Variants in MUC5B observed in about 807,000 individuals in gnomAD.
MUC5B encodes the protein mucin 5B, oligomeric mucus/gel-forming, also known as mucin-5B.
MUC5B carries 116 observed loss-of-function variants against 376.9 expected under a neutral mutation model. The ratio of observed to expected loss-of-function variants is 0.31; its 90% CI spans 0.26 to 0.36. MUC5B has a LOEUF of 0.36. Among genes scored for constraint, MUC5B ranks in the 10% least tolerant of loss-of-function variants. MUC5B has a pLI of 1.00. For missense variants in MUC5B, 7,165 were observed against 7,769.9 expected (o/e 0.92, Z 2.93); for synonymous variants, 3,517 against 3,390.9 (o/e 1.04, Z -1.29).
At chr11:1,237,526 C>T (rs867477500) in intron 25 of MUC5B, among the ~76,000 whole-genome samples, 17 of 152,220 alleles carry the variant, frequency 1.1e-4, no homozygotes, top group Admixed American at 3.3e-4. Context: ...CCTGGCTCCC[C>T]GCTCAGCCAG....
In MUC5B at chr11:1,239,046, G is replaced by C. The variant is rs745592885; in HGVS notation, c.3454+19G>C. On this transcript the variant is annotated intron_variant, in intron 26 of 48. Coordinates refer to ENST00000529681, the MANE Select transcript of MUC5B (RefSeq NM_002458.3). ...ACCTGCCGTGAGTCGGGCTCTGTCC[G>C]TGGTGCTGAAGGGTGGAGCTGCTGG... is the stretch of plus-strand genomic sequence containing the variant. 6.4e-7 allele frequency: 1 copy of C among 1,569,000 alleles called. No homozygotes were observed. Among genetic ancestry groups the C allele is most frequent in the Non-Finnish European group, 8.6e-7 (1 of 1,158,288 alleles).
chr11:1,241,593 C>T lies in MUC5B; in HGVS notation c.4713C>T (p.His1571=), dbSNP rs775643083. Residue 1571 remains histidine, a synonymous_variant, in exon 31 of 49, where the codon CAC becomes CAT. Coordinates refer to ENST00000529681, the MANE Select transcript of MUC5B (RefSeq NM_002458.3). ...GGCAGAAGGTGCACTGTGACGTCCA[C>T]TTCGGCCTGGTGTGCAGGAACTGGG... is the stretch of plus-strand genomic sequence containing the variant. ...QVGQKVHCDV[H]FGLVCRNWEQ... The T allele has an allele frequency of 2.5e-6, 4 of 1,612,182 alleles. No individual in the cohort carries two copies. The highest frequency in any genetic ancestry group is 3.3e-5 in the Admixed American group (2 of 59,860).
Position 1,258,011 on chromosome 11 carries a change from GA to G in MUC5B, c.16451-84del. The G allele has an allele frequency of 5.9e-6, 8 of 1,350,336 alleles. No individual in the cohort carries two copies. The highest frequency in any genetic ancestry group is 8.2e-6 in the Non-Finnish European group (8 of 975,862). 83.6% of individuals were successfully genotyped at this position (1,350,336 alleles called of 1,614,324 possible). A position where few individuals can be genotyped will look rare whatever the true frequency, so the allele number is the denominator to read the frequency against. The stretch of plus-strand genomic sequence containing the variant: ...GCTGTGAAGCGGTCAGGTCCTCGGG[GA>G]AAAGCACGCCTGCGACTTACTCTGG... On this transcript the variant is annotated intron_variant, in intron 41 of 48. Transcript: ENST00000529681. This position sits in a 1 kb window ranked among gnomAD's most constrained non-coding sequence, Gnocchi z 5.5.
Position 1,244,804 on chromosome 11 carries a change from A to G in MUC5B, c.7924A>G (p.Thr2642Ala). 1.2e-6 allele frequency: 2 copies of G among 1,612,670 alleles called. No homozygotes were observed. Among genetic ancestry groups the G allele is most frequent in the Admixed American group, 3.3e-5 (2 of 59,904 alleles). ...GATCAGCACAACCACCACACCCACA[A>G]CCAGAGGTTCCACGGTGACCCCCTC... ...VWISTTTTPT[T>A]RGSTVTPSSI... Residue 2642 changes from threonine (T) to alanine (A), a missense_variant, in exon 31 of 49, where the codon ACC becomes GCC. Thr to Ala is a moderately conservative substitution (Grantham distance 58). Around this residue, in one of 31 missense-constraint regions of MUC5B, gnomAD observed 141 missense variants for 111.2 expected, o/e 1.27. Transcript: ENST00000529681.
chr11:1,245,059 G>A lies in MUC5B; in HGVS notation c.8179G>A (p.Ala2727Thr). The A allele has an allele frequency of 1.9e-6, 3 of 1,542,272 alleles. No homozygotes were observed. Among genetic ancestry groups the A allele is most frequent in the Non-Finnish European group, 2.6e-6 (3 of 1,143,112 alleles). ...PVLTTTATTP[A>T]ATSSTVTPSS... is the part of the protein sequence containing the mutation. ...GCTGACCACCACCGCCACCACACCT[G>A]CAGCCACCAGCAGCACAGTGACTCC... The change falls in exon 31 of 49, where the codon GCA (alanine) becomes ACA (threonine). Residue 2727 changes from alanine (A) to threonine (T), a missense_variant. Physicochemically the swap from Ala to Thr is moderately conservative, Grantham distance 58. This residue lies in a region of MUC5B where 70 missense variants were observed against 169.1 expected (regional missense o/e 0.41). Coordinates refer to ENST00000529681, the MANE Select transcript of MUC5B (RefSeq NM_002458.3).
rs1454738026 is a variant in MUC5B, at chr11:1,240,026, G to A, written c.3729-19G>A. 23 of 1,587,730 alleles carry A rather than the reference G, an allele frequency of 1.4e-5. No homozygotes were observed. The highest frequency in any genetic ancestry group is 1.1e-4 in the East Asian group (5 of 44,640). On this transcript the variant is annotated intron_variant, in intron 28 of 48. Transcript: ENST00000529681. ...AGGCTGCCCCCCAGGCCCTCAGCTCGCCTCTCCCCCACCCCTAGTAACTGC... is the reference window on the plus strand; with the variant it reads ...AGGCTGCCCCCCAGGCCCTCAGCTCACCTCTCCCCCACCCCTAGTAACTGC...
chr11:1,258,304 G>T lies in MUC5B; in HGVS notation c.16556-26G>T. On this transcript the variant is annotated intron_variant, in intron 42 of 48. Transcript: ENST00000529681. The surrounding 1 kb of genome is among the most constrained non-coding windows in gnomAD (Gnocchi z 5.5). Reference sequence around the variant, plus strand: ...GAGCACATGCTCCCCACCACTTGTCGAGGGCTTAGCTCCCTTTCCTTCCAG... The same window carrying T: ...GAGCACATGCTCCCCACCACTTGTCTAGGGCTTAGCTCCCTTTCCTTCCAG... 1 of 1,610,820 alleles carries T rather than the reference G, an allele frequency of 6.2e-7. No individual in the cohort carries two copies. Among genetic ancestry groups the T allele is most frequent in the South Asian group, 1.1e-5 (1 of 90,688 alleles).
intron 34 of MUC5B, 22 bp downstream of exon 34, chr11:1,254,373 C>T: frequency 6.3e-7 from 1 of 1,597,246 alleles, no homozygotes; most frequent in Non-Finnish European, 8.5e-7. Flanking sequence ...CTGCGGGTGG[C>T]ACAGTGTTGG....
In MUC5B at chr11:1,230,568, G is replaced by T; in HGVS notation, c.1438G>T (p.Ala480Ser). The change falls in exon 12 of 49, where the codon GCG becomes TCG. Residue 480 changes from alanine (A) to serine (S), a missense_variant. Ala to Ser is a moderately conservative substitution (Grantham distance 99). Coordinates refer to ENST00000529681, the MANE Select transcript of MUC5B (RefSeq NM_002458.3). ...GLTDNENCLK[A>S]VTLSLDGGDT... Reference sequence around the variant, plus strand: ...GACGGACAACGAGAACTGCCTGAAAGCGGTGACGCTCAGCCTGGACGGCGG... The same window carrying T: ...GACGGACAACGAGAACTGCCTGAAATCGGTGACGCTCAGCCTGGACGGCGG... The T allele has an allele frequency of 6.2e-7, 1 of 1,611,422 alleles. No homozygotes were observed. Among genetic ancestry groups the T allele is most frequent in the Non-Finnish European group, 8.5e-7 (1 of 1,179,128 alleles).
chr11:1,250,385 G>C lies in MUC5B; in HGVS notation c.13505G>C (p.Gly4502Ala). 1 of 1,613,038 alleles carries C rather than the reference G, an allele frequency of 6.2e-7. No individual in the cohort carries two copies. The highest frequency in any genetic ancestry group is 2.2e-5 in the East Asian group (1 of 44,824). The change falls in exon 31 of 49, where the codon GGG becomes GCG. Residue 4502 changes from glycine (G) to alanine (A), a missense_variant. This residue lies in a region of MUC5B where 431 missense variants were observed against 390.4 expected (regional missense o/e 1.10). Coordinates refer to ENST00000529681, the MANE Select transcript of MUC5B (RefSeq NM_002458.3). ...SSKATPSSSP[G>A]TATALPALRS... ...AAAGCCACTCCCTCCTCCAGTCCAG[G>C]GACTGCAACTGCCCTTCCAGCACTG...
chr11:1,240,985 T>G lies in MUC5B; in HGVS notation c.4105T>G (p.Tyr1369Asp). 6.2e-7 allele frequency: 1 copy of G among 1,613,364 alleles called. No individual in the cohort carries two copies. The highest frequency in any genetic ancestry group is 1.1e-5 in the South Asian group (1 of 91,086). The part of the protein sequence containing the change: ...ETFENLRQRG[Y>D]QVCPVLADIE... The stretch of plus-strand genomic sequence containing the variant: ...GTTTGAAAACCTGAGGCAGAGAGGG[T>G]ACCAGGTATGCCCTGTGCTGGCTGA... Residue 1369 changes from tyrosine to aspartate, a missense_variant, in exon 31 of 49, where the codon TAC (tyrosine) becomes GAC (aspartate). This residue lies in a region of MUC5B where 517 missense variants were observed against 545.3 expected (regional missense o/e 0.95). Transcript: ENST00000529681.
chr11:1,237,412 C>T (rs962164860), intron 25 of MUC5B, among the ~76,000 whole-genome samples: 1 of 152,242 alleles, frequency 6.6e-6, no homozygotes, highest in African/African-American at 2.4e-5. Flanking sequence ...GCCTCAGTCA[C>T]ACCCAGAGGC....
chr11:1,226,381 C>G, intron 3 of MUC5B, 105 bp downstream of exon 3: 1 of 1,415,576 alleles, frequency 7.1e-7, no homozygotes, highest in Non-Finnish European at 9.7e-7. Context: ...GGCCGTTGGG[C>G]CAGACCCAGA....
rs770654111 is a variant in MUC5B, at chr11:1,244,635, C to A, written c.7755C>A (p.Thr2585=). ...HTSTVLTTTA[T]TTGATGSVAT... ...CCACAGTGCTTACCACCACGGCCAC[C>A]ACAACCGGGGCCACCGGCTCTGTGG... The change falls in exon 31 of 49, where the codon ACC becomes ACA. Residue 2585 remains threonine, a synonymous_variant. Transcript: ENST00000529681. 1 of 1,613,404 alleles carries A rather than the reference C, an allele frequency of 6.2e-7. No homozygotes were observed. The highest frequency in any genetic ancestry group is 1.7e-5 in the Admixed American group (1 of 59,976).
In MUC5B at chr11:1,243,717, C is replaced by T. The variant is rs769796920; in HGVS notation, c.6837C>T (p.Thr2279=). 1.2e-6 allele frequency: 2 copies of T among 1,611,772 alleles called. No individual in the cohort carries two copies. The highest frequency in any genetic ancestry group is 1.7e-6 in the Non-Finnish European group (2 of 1,179,672). ...GTTTPGHTTA[T]SRTTATATPS... The stretch of plus-strand genomic sequence containing the variant: ...CCACCCCGGGCCACACCACGGCCAC[C>T]TCCAGGACCACAGCCACGGCCACAC... The change falls in exon 31 of 49, where the codon ACC becomes ACT. Residue 2279 remains threonine, a synonymous_variant. Coordinates refer to ENST00000529681, the MANE Select transcript of MUC5B (RefSeq NM_002458.3).
chr11:1,242,981 G>A lies in MUC5B; in HGVS notation c.6101G>A (p.Gly2034Asp). 4 of 1,612,862 alleles carry A rather than the reference G, an allele frequency of 2.5e-6. No individual in the cohort carries two copies. The highest frequency in any genetic ancestry group is 3.4e-6 in the Non-Finnish European group (4 of 1,179,350). Residue 2034 changes from glycine to aspartate, a missense_variant, in exon 31 of 49, where the codon GGC (glycine) becomes GAC (aspartate). By Grantham distance (94) the Gly-to-Asp change is moderately conservative. Around this residue, in one of 31 missense-constraint regions of MUC5B, gnomAD observed 897 missense variants for 779.6 expected, o/e 1.15. Coordinates refer to ENST00000529681, the MANE Select transcript of MUC5B (RefSeq NM_002458.3). ...TATATTTGAT[G>D]SVATPSSTPG... Reference sequence around the variant, plus strand: ...ACGGCCACCACAACTGGGGCCACCGGCTCTGTGGCCACCCCCTCCTCCACC... The same window carrying A: ...ACGGCCACCACAACTGGGGCCACCGACTCTGTGGCCACCCCCTCCTCCACC...
rs1471624303 is a variant in MUC5B, at chr11:1,228,626, C to T, written c.837C>T (p.Asp279=). ...PAFAECHALV[D]STAYLAACAQ... is the part of the protein sequence containing the mutation. ...TTGCGGAGTGCCACGCACTGGTGGA[C>T]AGCACTGCGTACCTGGCCGCCTGCG... Residue 279 remains aspartate (D), a synonymous_variant, in exon 8 of 49, where the codon GAC becomes GAT. Transcript: ENST00000529681. 6.5e-7 allele frequency: 1 copy of T among 1,534,028 alleles called. No homozygotes were observed. The highest frequency in any genetic ancestry group is 8.7e-7 in the Non-Finnish European group (1 of 1,146,188).
rs892749451 is a variant in MUC5B, at chr11:1,232,896, G to T, written c.2066-117G>T. 9 of 1,460,042 alleles carry T rather than the reference G, an allele frequency of 6.2e-6. No individual in the cohort carries two copies. In the East Asian group the frequency reaches 1.5e-4, roughly 24 times the overall value. 90.4% of individuals were successfully genotyped at this position (1,460,042 alleles called of 1,614,324 possible). On this transcript the variant is annotated intron_variant, in intron 17 of 48. Transcript: ENST00000529681. ...CTTTGCACTTCCTCATCCCAGCCTCGCAAGAACCTCATGCCCTTGCGATCC... is the reference window on the plus strand; with the variant it reads ...CTTTGCACTTCCTCATCCCAGCCTCTCAAGAACCTCATGCCCTTGCGATCC...
chr11:1,246,269 G>A lies in MUC5B; in HGVS notation c.9389G>A (p.Gly3130Glu). The A allele has an allele frequency of 6.2e-7, 1 of 1,611,168 alleles. No individual in the cohort carries two copies. Among genetic ancestry groups the A allele is most frequent in the Non-Finnish European group, 8.5e-7 (1 of 1,178,988 alleles). Residue 3130 changes from glycine to glutamate, a missense_variant, in exon 31 of 49, where the codon GGG (glycine) becomes GAG (glutamate). Gly to Glu is a moderately conservative substitution (Grantham distance 98). Coordinates refer to ENST00000529681, the MANE Select transcript of MUC5B (RefSeq NM_002458.3). Reference protein sequence around the residue: ...SSMSTPSSTPGTTWILTELTT... With the variant: ...SSMSTPSSTPETTWILTELTT... ...ATGTCCACCCCCTCCTCCACTCCGG[G>A]GACGACCTGGATCCTCACAGAGCTG...
Sources: allele counts gnomAD v4.1 joint callset (sites outside exome capture counted in the v4.1 genomes callset), GRCh38; gene constraint gnomAD v4.1.1; regional missense constraint gnomAD v4.1.1; non-coding constraint Gnocchi (gnomAD v3.1); transcripts MANE v1.5; gene names NCBI Gene and HGNC (gene_info 2026-07-23, HGNC 2026-07-21).